NPC2: variants seen among roughly 807,000 people sequenced by gnomAD.
The protein encoded by NPC2 is Niemann-Pick disease type C2 protein.
In NPC2, 14 loss-of-function variants were observed where a neutral mutation model predicts 17.0. That is an observed-to-expected ratio of 0.82 (90% confidence interval 0.54 to 1.29). The LOEUF is 1.29. Among genes scored for constraint, NPC2 ranks in the 50% most tolerant of loss-of-function variants. The pLI, the probability that NPC2 is intolerant of heterozygous loss-of-function variation, is 0.00. For missense variants in NPC2, 167 were observed against 183.4 expected, an observed-to-expected ratio of 0.91 and a Z score of 0.52; for synonymous variants, 75 against 69.3, an observed-to-expected ratio of 1.08 and a Z score of -0.41.
chr14:74,486,621 TTGC>T (rs960157367), intron 1 of NPC2, among the ~76,000 whole-genome samples, 185 bp from the exon 2 acceptor site: 8 of 152,230 alleles, frequency 5.3e-5, no homozygotes, highest in African/African-American at 1.9e-4. Flanking sequence ...TTGATTCATC[TTGC>T]TGCTAAAATC....
chr14:74,491,353 G>T (rs1246033076), intron 1 of NPC2, among the ~76,000 whole-genome samples: 1 of 152,130 alleles, frequency 6.6e-6, no homozygotes, highest in African/African-American at 2.4e-5. Context: ...TTACAGGTGT[G>T]AGCCACTGTG....
At chr14:74,482,383 C>G (rs2086665292) in intron 3 of NPC2, among the ~76,000 whole-genome samples, 1 of 152,154 alleles carries the variant, frequency 6.6e-6, no homozygotes. Flanking sequence ...TATCAAGATA[C>G]ATATCTTTAA....
At chr14:74,480,832 T>C in intron 3 of NPC2, 53 bp from the exon 4 acceptor site, 1 of 1,439,128 alleles carries the variant, frequency 6.9e-7, no homozygotes, top group Non-Finnish European at 9.8e-7. Context: ...CTGACTTCTA[T>C]CCATAATTGG....
chr14:74,491,045 C>A (rs1022198351), intron 1 of NPC2, among the ~76,000 whole-genome samples: 1 of 152,102 alleles, frequency 6.6e-6, no homozygotes, highest in Non-Finnish European at 1.5e-5. Flanking sequence ...ATCTGTAAGA[C>A]AGCTTGTGAG....
At chr14:74,493,381 C>T, upstream of NPC2, 4 of 1,548,928 alleles carry the variant, frequency 2.6e-6, no homozygotes, top group South Asian at 3.6e-5. This position sits in a 1 kb window ranked among gnomAD's most constrained non-coding sequence, Gnocchi z 4.1. Flanking sequence ...GGCGACCTGT[C>T]ACCAGTAACC....
chr14:74,486,490 T>C (rs919051917), intron 1 of NPC2, 54 bp from the exon 2 acceptor site: 2 of 1,439,496 alleles, frequency 1.4e-6, no homozygotes, highest in Non-Finnish European at 1.9e-6. Context: ...ATAAGCCAGC[T>C]AGGCTGCCCA....
intron 1 of NPC2, among the ~76,000 whole-genome samples, chr14:74,491,761 C>T (rs1263116735): frequency 3.3e-5 from 5 of 152,220 alleles, no homozygotes; most frequent in Admixed American, 2.6e-4. Flanking sequence ...TCCTTCTAAC[C>T]TCTAAACTGT....
chr14:74,486,518 G>T, intron 1 of NPC2, 82 bp from the exon 2 acceptor site: 3 of 1,096,592 alleles, frequency 2.7e-6, no homozygotes, highest in Non-Finnish European at 4.1e-6. Context: ...ATGGGAAGGT[G>T]CTCTGCTCTC....
Position 74,493,276 on chromosome 14 carries a change from G to C in NPC2, c.-2C>G. On this transcript the variant is annotated 5_prime_UTR_variant, in exon 1 of 5. Coordinates refer to ENST00000555619, the MANE Select transcript of NPC2 (RefSeq NM_006432.5). This position sits in a 1 kb window ranked among gnomAD's most constrained non-coding sequence, Gnocchi z 4.1. ...GAATGTAGCTGCCAGGAAACGCATCGCGGATAACGAAGTTCCAAGCTCGGG... is the reference window on the plus strand; with the variant it reads ...GAATGTAGCTGCCAGGAAACGCATCCCGGATAACGAAGTTCCAAGCTCGGG... 1 of 1,612,830 alleles carries C rather than the reference G, an allele frequency of 6.2e-7. No homozygotes were observed. The highest frequency in any genetic ancestry group is 8.5e-7 in the Non-Finnish European group (1 of 1,179,570).
intron 2 of NPC2, among the ~76,000 whole-genome samples, chr14:74,484,944 TTG>T (rs1387884246): frequency 1.3e-5 from 2 of 152,054 alleles, no homozygotes; most frequent in Admixed American, 6.6e-5. Flanking sequence ...TCCAAGTATA[TTG>T]TGTGTCTTAA....
intron 2 of NPC2, 104 bp downstream of exon 2, chr14:74,486,225 C>A (rs569637046): frequency 9.4e-7 from 1 of 1,060,678 alleles, no homozygotes; most frequent in Admixed American, 2.0e-5. Flanking sequence ...TCATAAAATT[C>A]ATGACTGCCA....
rs376564793 is a variant in NPC2, at chr14:74,491,639, A to C, written c.82+1554T>G. Among the ~76,000 whole-genome samples, 19 of 152,340 alleles carry C rather than the reference A, an allele frequency of 1.2e-4. 1 individual carries two copies. The South Asian group carries it at 1.9e-3, about 15-fold the overall frequency. On this transcript the variant is annotated intron_variant, in intron 1 of 4. Transcript: ENST00000555619. ...ATGTTTTCAACACATTTCATTGAGCAGTTACTATTACCTGGGCACTGGATA... is the reference window on the plus strand; with the variant it reads ...ATGTTTTCAACACATTTCATTGAGCCGTTACTATTACCTGGGCACTGGATA...
At chr14:74,490,981 C>T (rs528789429) in intron 1 of NPC2, among the ~76,000 whole-genome samples, 3 of 152,292 alleles carry the variant, frequency 2.0e-5, no homozygotes, top group East Asian at 3.9e-4. Context: ...GGTTTCCTAC[C>T]ACTTACTGGG....
Position 74,486,407 on chromosome 14 carries a change from TCA to T in NPC2, c.110_111del (p.Val37GlufsTer31). 1 of 1,601,314 alleles carries T rather than the reference TCA, an allele frequency of 6.2e-7. No individual in the cohort carries two copies. The highest frequency in any genetic ancestry group is 8.5e-7 in the Non-Finnish European group (1 of 1,173,588). ...GGTTGGGTGGGGCATGGGCTCACAT[TCA>T]CTTCCTTTATAACTCCATCCACAGA... ...CGSVDGVIKE[V>X]NVSPCPTQPC... On this transcript the variant is annotated frameshift_variant, in exon 2 of 5. Coordinates refer to ENST00000555619, the MANE Select transcript of NPC2 (RefSeq NM_006432.5). LOFTEE classifies it high-confidence loss of function.
intron 1 of NPC2, among the ~76,000 whole-genome samples, chr14:74,488,189 G>A (rs1049863864): frequency 5.9e-5 from 9 of 152,072 alleles, no homozygotes; most frequent in African/African-American, 9.7e-5. Flanking sequence ...TCTTTCTATC[G>A]TAGAGGTTCA....
intron 1 of NPC2, 67 bp from the exon 2 acceptor site, chr14:74,486,503 A>T: frequency 7.8e-7 from 1 of 1,278,216 alleles, no homozygotes; most frequent in South Asian, 1.3e-5. Flanking sequence ...GCTGCCCACC[A>T]CCTAATGGGA....
chr14:74,487,263 G>GTTTTTTTTTTTTT lies in NPC2; in HGVS notation c.83-828_83-827insAAAAAAAAAAAAA, dbSNP rs1208707592. ...TGCACCCTCCCTGTTTTGTTTTTGT[G>GTTTTTTTTTTTTT]GTTTTTTTTTGTTTTTTTTTTTTGA... On this transcript the variant is annotated intron_variant, in intron 1 of 4. Transcript: ENST00000555619. Among the ~76,000 whole-genome samples, 22 of 134,948 alleles carry GTTTTTTTTTTTTT rather than the reference G, an allele frequency of 1.6e-4. 1 individual carries two copies. Among genetic ancestry groups the GTTTTTTTTTTTTT allele is most frequent in the African/African-American group, 2.9e-4 (10 of 34,810 alleles). 88.5% of individuals were successfully genotyped at this position (134,948 alleles called of 152,430 possible). A position where few individuals can be genotyped will look rare whatever the true frequency, so the allele number is the denominator to read the frequency against.
upstream of NPC2, chr14:74,493,423 GC>G (rs2086801124): frequency 4.6e-6 from 7 of 1,525,698 alleles, no homozygotes; most frequent in South Asian, 8.5e-5. The surrounding 1 kb of genome is among the most constrained non-coding windows in gnomAD (Gnocchi z 4.1). Flanking sequence ...CCCGCCCCCG[GC>G]TCCGGAAAGC....
chr14:74,492,825 C>A (rs4899516), intron 1 of NPC2, among the ~76,000 whole-genome samples: 25,646 of 152,106 alleles, frequency 0.17, 2,270 homozygotes, highest in South Asian at 0.27. Flanking sequence ...AAGGGGGAGG[C>A]GGGATTCCAA....
Sources: gnomAD v4.1 joint callset for allele counts (sites outside exome capture counted in the v4.1 genomes callset) on GRCh38, gnomAD v4.1.1 for gene constraint, Gnocchi (gnomAD v3.1) non-coding constraint, MANE v1.5 for transcripts, NCBI Gene and HGNC (gene_info 2026-07-23, HGNC 2026-07-21) for gene names.